The following RANBP2 variants were observed in gnomAD, a reference collection of about 807,000 sequenced individuals.
RANBP2 encodes the protein E3 SUMO-protein ligase RanBP2.
Under a neutral mutation model 303.6 loss-of-function variants are expected in RANBP2, and 57 were observed. That is an observed-to-expected ratio of 0.19 (90% confidence interval 0.15 to 0.23). The LOEUF (loss-of-function observed/expected upper bound fraction) is 0.23, where lower values mean the gene tolerates loss of function less well. Ranked by LOEUF, RANBP2 falls within the 10% of genes least tolerant of loss-of-function variation. The pLI is 1.00. For synonymous variants in RANBP2, 1,167 were observed against 1,301.5 expected, an observed-to-expected ratio of 0.90 and a Z score of 2.23; for missense variants, 3,138 against 3,780.8, an observed-to-expected ratio of 0.83 and a Z score of 4.46.
At chr2:109,585,918 ACAAATATAT>A in the RANBP2 span, 3 of 941,072 alleles carry the variant, frequency 3.2e-6, no homozygotes, top group East Asian at 5.1e-5. Flanking sequence ...CACTTGAAGG[ACAAATATAT>A]CAAATAAATG....
the RANBP2 span, among the ~76,000 whole-genome samples, chr2:109,221,329 TCCCAGCA>T: frequency 1.3e-5 from 2 of 152,172 alleles, no homozygotes; most frequent in African/African-American, 2.4e-5. Flanking sequence ...ACGGCTGTAA[TCCCAGCA>T]TTTTGGGAGG....
chr2:108,827,814 T>TAA, the RANBP2 span, among the ~76,000 whole-genome samples: 38 of 134,114 alleles, frequency 2.8e-4, no homozygotes, highest in African/African-American at 1.1e-3. Flanking sequence ...AGAATATGTC[T>TAA]AAAAAAAAAA....
At chr2:109,729,155 G>T in the RANBP2 span, among the ~76,000 whole-genome samples, 1 of 152,200 alleles carries the variant, frequency 6.6e-6, no homozygotes, top group South Asian at 2.1e-4. Context: ...GTGCTGGAAG[G>T]CCACAACTTT....
chr2:109,281,500 T>C, the RANBP2 span, among the ~76,000 whole-genome samples: 17 of 152,154 alleles, frequency 1.1e-4, no homozygotes, highest in Non-Finnish European at 1.5e-5. Context: ...ACTCTGTGGG[T>C]GCCTTTCACC....
At chr2:108,805,765 A>C in the RANBP2 span, among the ~76,000 whole-genome samples, 2 of 152,134 alleles carry the variant, frequency 1.3e-5, no homozygotes, top group Non-Finnish European at 2.9e-5. Flanking sequence ...ATATAATACC[A>C]GAGTTGCATA....
the RANBP2 span, among the ~76,000 whole-genome samples, chr2:109,298,700 G>A: frequency 6.6e-6 from 1 of 151,942 alleles, no homozygotes; most frequent in Non-Finnish European, 1.5e-5. Context: ...GTCCAGGTCC[G>A]TTTCCCCACA....
chr2:108,778,977 A>G (rs1678058491), intron 25 of RANBP2, among the ~76,000 whole-genome samples: 1 of 152,100 alleles, frequency 6.6e-6, no homozygotes. Context: ...CAGTCCTGCC[A>G]CCTTGGCCTT....
the RANBP2 span, among the ~76,000 whole-genome samples, chr2:109,690,225 A>G: frequency 1.3e-5 from 2 of 152,194 alleles, no homozygotes; most frequent in Non-Finnish European, 2.9e-5. Flanking sequence ...GGTTTTATAC[A>G]TTTTAGGGAG....
At chr2:108,861,269 C>CA in the RANBP2 span, among the ~76,000 whole-genome samples, 2 of 151,010 alleles carry the variant, frequency 1.3e-5, no homozygotes, top group Admixed American at 1.3e-4. Context: ...TTTATCCTTT[C>CA]AAAAAAACAC....
chr2:108,748,770 C>T (rs987189616), intron 8 of RANBP2, 150 bp from the exon 9 acceptor site: 22 of 1,429,432 alleles, frequency 1.5e-5, no homozygotes, highest in African/African-American at 7.1e-5. Flanking sequence ...ACATAAGCAC[C>T]GGTTTTGTTG....
chr2:109,345,686 A>G, the RANBP2 span, among the ~76,000 whole-genome samples: 1 of 152,368 alleles, frequency 6.6e-6, no homozygotes, highest in East Asian at 1.9e-4. Context: ...TACTCCCCTC[A>G]TGAAAATAAA....
At chr2:109,574,178 C>T in the RANBP2 span, among the ~76,000 whole-genome samples, 1 of 151,916 alleles carries the variant, frequency 6.6e-6, no homozygotes, top group African/African-American at 2.4e-5. Context: ...GTGGCTCATG[C>T]CTGTAGTTCT....
chr2:108,781,998 C>A (rs893274525), intron 26 of RANBP2, 130 bp from the exon 27 acceptor site: 1 of 997,864 alleles, frequency 1.0e-6, no homozygotes, highest in Admixed American at 2.6e-5. Flanking sequence ...AGATATATAA[C>A]CAGTTATCAC....
chr2:109,330,833 T>G, the RANBP2 span, among the ~76,000 whole-genome samples: 11 of 152,288 alleles, frequency 7.2e-5, no homozygotes, highest in African/African-American at 2.6e-4. Context: ...CTTCTCCCCC[T>G]GGGTTTCATC....
chr2:109,685,925 C>A, the RANBP2 span, among the ~76,000 whole-genome samples: 3 of 151,948 alleles, frequency 2.0e-5, no homozygotes, highest in East Asian at 5.8e-4. Flanking sequence ...TAAAACCCCC[C>A]CAAAAAACAA....
At chr2:109,104,905 T>C in the RANBP2 span, among the ~76,000 whole-genome samples, 3 of 152,214 alleles carry the variant, frequency 2.0e-5, no homozygotes, top group African/African-American at 7.2e-5. Context: ...TCATCTAGGC[T>C]TCACAACTGC....
the RANBP2 span, among the ~76,000 whole-genome samples, chr2:109,039,169 A>G: frequency 6.6e-6 from 1 of 152,228 alleles, no homozygotes; most frequent in Non-Finnish European, 1.5e-5. Context: ...GCCTCTAGAC[A>G]GACTTTGGAC....
chr2:109,696,779 T>C, the RANBP2 span, among the ~76,000 whole-genome samples: 36 of 152,294 alleles, frequency 2.4e-4, no homozygotes, highest in African/African-American at 8.2e-4. Flanking sequence ...TCTCCATTTA[T>C]ATAAATCTTT....
At chr2:109,476,557 T>G in the RANBP2 span, among the ~76,000 whole-genome samples, 29 of 152,218 alleles carry the variant, frequency 1.9e-4, no homozygotes, top group Non-Finnish European at 4.3e-4. Flanking sequence ...GATACTGGAC[T>G]TTCCTCTAAA....
Sources: allele counts gnomAD v4.1 joint callset (sites outside exome capture counted in the v4.1 genomes callset), GRCh38; gene constraint gnomAD v4.1.1; transcripts MANE v1.5; gene names NCBI Gene and HGNC (gene_info 2026-07-23, HGNC 2026-07-21).